The following KLF9 variants were observed in gnomAD, a reference collection of about 807,000 sequenced individuals.
KLF9 encodes Krueppel-like factor 9.
A neutral mutation model predicts 17.3 loss-of-function variants in KLF9; 2 were observed. The ratio of observed to expected loss-of-function variants is 0.12; its 90% CI spans 0.05 to 0.36. KLF9 has a LOEUF of 0.36. KLF9 is among the 10% of genes least tolerant of loss of function. KLF9 has a pLI of 1.00. For synonymous variants in KLF9, 138 were observed against 139.2 expected (o/e 0.99, Z 0.06); for missense variants, 226 against 333.2 (o/e 0.68, Z 2.51).
chr9:70,412,097 T>A (rs2037319238), intron 1 of KLF9, among the ~76,000 whole-genome samples: 1 of 143,628 alleles, frequency 7.0e-6, no homozygotes, highest in Non-Finnish European at 1.5e-5. Flanking sequence ...CCGCCCAACA[T>A]TCATTACCAA....
In KLF9 at chr9:70,397,302, C is replaced by G. The variant is rs192647708; in HGVS notation, c.506-9297G>C. On this transcript the variant is annotated intron_variant, in intron 1 of 1. Coordinates refer to ENST00000377126, the MANE Select transcript of KLF9 (RefSeq NM_001206.4). ...CCATCCTGGCCAACATGGTGAAACCCTGTCTCTACTAAAAATACAAAAATT... is the reference window on the plus strand; with the variant it reads ...CCATCCTGGCCAACATGGTGAAACCGTGTCTCTACTAAAAATACAAAAATT... Among the ~76,000 whole-genome samples, 5 of 152,144 alleles carry G rather than the reference C, an allele frequency of 3.3e-5. No homozygotes were observed. In the East Asian group the frequency reaches 9.7e-4, roughly 30 times the overall value.
chr9:70,406,674 C>A (rs562093041), intron 1 of KLF9, among the ~76,000 whole-genome samples: 1 of 152,204 alleles, frequency 6.6e-6, no homozygotes, highest in South Asian at 2.1e-4. Flanking sequence ...CTTCCTTTTG[C>A]CCCTCCTTTC....
intron 1 of KLF9, among the ~76,000 whole-genome samples, chr9:70,407,992 G>A (rs1291840904): frequency 2.6e-5 from 4 of 152,164 alleles, no homozygotes. Flanking sequence ...TGTGACAGGT[G>A]AAAAAAGTCT....
chr9:70,404,539 T>C (rs1434793959), intron 1 of KLF9, among the ~76,000 whole-genome samples: 2 of 152,054 alleles, frequency 1.3e-5, no homozygotes, highest in East Asian at 3.9e-4. Flanking sequence ...GTGCAGAGGT[T>C]GCAGTGAGCC....
At chr9:70,407,431 C>T (rs147266805) in intron 1 of KLF9, among the ~76,000 whole-genome samples, 2,157 of 152,302 alleles carry the variant, frequency 0.014, 18 homozygotes, top group Admixed American at 0.02. Flanking sequence ...TTATACCCCT[C>T]CCCTCTCTCT....
chr9:70,394,471 G>A (rs972815264), intron 1 of KLF9, among the ~76,000 whole-genome samples: 1 of 152,018 alleles, frequency 6.6e-6, no homozygotes, highest in Non-Finnish European at 1.5e-5. Flanking sequence ...TCCTCTGCAA[G>A]GTCAACAGTA....
chr9:70,409,117 T>TAC lies in KLF9; in HGVS notation c.505+3741_505+3742insGT, dbSNP rs1564089279. Among the ~76,000 whole-genome samples the TAC allele has an allele frequency of 2.2e-4, 19 of 86,146 alleles. 1 individual carries two copies. Among genetic ancestry groups the TAC allele is most frequent in the African/African-American group, 4.7e-4 (14 of 29,994 alleles). The allele number at this position is 86,146 out of a possible 152,430, so 56.5% of individuals were successfully genotyped here. ...GTATATATATGTGTATATATATACA[T>TAC]ATATGTATATATGTATACATATATA... On this transcript the variant is annotated intron_variant, in intron 1 of 1. Transcript: ENST00000377126.
chr9:70,388,415 G>C (rs1034017267), intron 1 of KLF9, among the ~76,000 whole-genome samples: 1 of 152,146 alleles, frequency 6.6e-6, no homozygotes, highest in African/African-American at 2.4e-5. Context: ...CCAGTCTCCA[G>C]AACTGTGAGG....
chr9:70,409,194 G>GTATATGTATATATATATACA (rs1417397231), intron 1 of KLF9, among the ~76,000 whole-genome samples: 11 of 72,596 alleles, frequency 1.5e-4, no homozygotes, highest in African/African-American at 3.6e-4. Context: ...ACATATACAT[G>GTATATGTATATATATATACA]TATATGTATA....
Position 70,412,961 on chromosome 9 carries a change from C to G in KLF9, c.403G>C (p.Gly135Arg). ...TGCCTCTTTTCGGAGGCGTGTTTCC[C>G]CTTCGCAGCCACTCCAGGATGGAGG... The part of the protein sequence containing the change: ...SLLHPGVAAK[G>R]KHASEKRHKC... The change falls in exon 1 of 2, where the codon GGG becomes CGG. Residue 135 changes from glycine (G) to arginine (R), a missense_variant. Transcript: ENST00000377126. 6.2e-7 allele frequency: 1 copy of G among 1,614,192 alleles called. No homozygotes were observed. Among genetic ancestry groups the G allele is most frequent in the Non-Finnish European group, 8.5e-7 (1 of 1,180,042 alleles).
At position 70,412,839 on chromosome 9, in the gene KLF9, G is replaced by A; in HGVS notation, c.505+20C>T. The A allele has an allele frequency of 6.5e-7, 1 of 1,536,744 alleles. No homozygotes were observed. On this transcript the variant is annotated intron_variant, in intron 1 of 1. Transcript: ENST00000377126. ...GTTAACTAACCCCAGAGCTCCGGGG[G>A]AGAGGGCGACGCCGCTAACCTGTAT...
chr9:70,406,929 GAAGTC>G (rs1239977440), intron 1 of KLF9, among the ~76,000 whole-genome samples: 1 of 150,076 alleles, frequency 6.7e-6, no homozygotes, highest in African/African-American at 2.4e-5. Context: ...GGAAGATTTG[GAAGTC>G]AAGACTAACA....
chr9:70,396,741 CTA>C (rs985848405), intron 1 of KLF9, among the ~76,000 whole-genome samples: 33 of 152,248 alleles, frequency 2.2e-4, no homozygotes, highest in African/African-American at 7.7e-4. Flanking sequence ...TAATTTTTCC[CTA>C]TGTTTTCTGA....
Position 70,387,503 on chromosome 9 carries a change from C to A in KLF9, c.*273G>T. 1 of 152,988 alleles carries A rather than the reference C, an allele frequency of 6.5e-6. No homozygotes were observed. The highest frequency in any genetic ancestry group is 1.5e-4 in the East Asian group (1 of 6,570). The allele number at this position is 152,988 out of a possible 1,614,324, so 9.5% of individuals were successfully genotyped here. A position where few individuals can be genotyped will look rare whatever the true frequency, so the allele number is the denominator to read the frequency against. ...AAAAACAAAAACAAAAACCAAAAAA[C>A]CCAAAAGCATTTGCCTTCCCTCCAA... is the stretch of plus-strand genomic sequence containing the variant. On this transcript the variant is annotated 3_prime_UTR_variant, in exon 2 of 2. Coordinates refer to ENST00000377126, the MANE Select transcript of KLF9 (RefSeq NM_001206.4).
At position 70,398,489 on chromosome 9, in the gene KLF9, AT is replaced by A. The variant is rs397969034; in HGVS notation, c.506-10485del. On this transcript the variant is annotated intron_variant, in intron 1 of 1. Transcript: ENST00000377126. ...CAAACAAAAGACAGCAGATAACAGA[AT>A]TTTTTTTTTTTTTTTTGAGATGGAG... is the stretch of plus-strand genomic sequence containing the variant. Among the ~76,000 whole-genome samples, 934 of 143,118 alleles carry A rather than the reference AT, an allele frequency of 6.5e-3. 2 individuals carry two copies. The highest frequency in any genetic ancestry group is 7.2e-3 in the Middle Eastern group (2 of 278). 93.9% of individuals were successfully genotyped at this position (143,118 alleles called of 152,430 possible). A position where few individuals can be genotyped will look rare whatever the true frequency, so the allele number is the denominator to read the frequency against.
chr9:70,393,455 C>G (rs1304260314), intron 1 of KLF9, among the ~76,000 whole-genome samples: 1 of 152,220 alleles, frequency 6.6e-6, no homozygotes, highest in Non-Finnish European at 1.5e-5. Flanking sequence ...CCCAGACTCC[C>G]TGAGCTGTCC....
chr9:70,388,142 T>G (rs2037127229), intron 1 of KLF9, 137 bp from the exon 2 acceptor site: 3 of 710,950 alleles, frequency 4.2e-6, no homozygotes, highest in Non-Finnish European at 7.0e-6. Context: ...CTCCCCAAAA[T>G]CCCTATGTTG....
At chr9:70,396,739 C>T (rs572472910) in intron 1 of KLF9, among the ~76,000 whole-genome samples, 1 of 152,288 alleles carries the variant, frequency 6.6e-6, no homozygotes, top group Admixed American at 6.5e-5. Context: ...TGTAATTTTT[C>T]CCTATGTTTT....
At chr9:70,391,770 T>C (rs912374937) in intron 1 of KLF9, among the ~76,000 whole-genome samples, 9 of 152,224 alleles carry the variant, frequency 5.9e-5, no homozygotes, top group African/African-American at 1.4e-4. Context: ...ACCATTCTTA[T>C]ATTCGGTTTT....
Sources: gnomAD v4.1 joint callset for allele counts (sites outside exome capture counted in the v4.1 genomes callset) on GRCh38, gnomAD v4.1.1 for gene constraint, MANE v1.5 for transcripts, NCBI Gene and HGNC (gene_info 2026-07-23, HGNC 2026-07-21) for gene names.